Variants in IBTK observed in about 807,000 individuals in gnomAD.
IBTK encodes the protein inhibitor of Bruton tyrosine kinase.
Under a neutral mutation model 154.9 loss-of-function variants are expected in IBTK, and 83 were observed. That is an observed-to-expected ratio of 0.54 (90% CI 0.45 to 0.64). The LOEUF (loss-of-function observed/expected upper bound fraction) is 0.64, where lower values mean the gene tolerates loss of function less well. Ranked by LOEUF, IBTK falls within the 30% of genes least tolerant of loss-of-function variation. The pLI is 0.00. For missense variants in IBTK, 1,332 were observed against 1,584.6 expected, an observed-to-expected ratio of 0.84 and a Z score of 2.71; for synonymous variants, 515 against 536.1, an observed-to-expected ratio of 0.96 and a Z score of 0.54.
At chr6:82,240,938 C>A in intron 1 of IBTK, 95 bp from the exon 2 acceptor site, 2 of 398,344 alleles carry the variant, frequency 5.0e-6, no homozygotes, top group Non-Finnish European at 4.4e-6. Context: ...ATTTAGATGC[C>A]CTTAACCCAT....
intron 10 of IBTK, 86 bp downstream of exon 10, chr6:82,217,874 T>C (rs1356741351): frequency 2.3e-6 from 2 of 875,492 alleles, no homozygotes; most frequent in Non-Finnish European, 1.7e-6. Context: ...TAAAACCTAA[T>C]AACACTTGTC....
chr6:82,188,984 C>T lies in IBTK; in HGVS notation c.3575+2089G>A, dbSNP rs536860656. On this transcript the variant is annotated intron_variant, in intron 25 of 28. Transcript: ENST00000306270. Reference sequence around the variant, plus strand: ...GGCGGAGGTTGCAGTGAACCAAGATCGCACCACTGCACTCAAACCTGAACA... The same window carrying T: ...GGCGGAGGTTGCAGTGAACCAAGATTGCACCACTGCACTCAAACCTGAACA... 295 of 421,412 alleles carry T rather than the reference C, an allele frequency of 7.0e-4. 2 individuals carry two copies. The highest frequency in any genetic ancestry group is 1.2e-3 in the Non-Finnish European group (267 of 214,536). The allele number at this position is 421,412 out of a possible 1,614,324, so 26.1% of individuals were successfully genotyped here. A position where few individuals can be genotyped will look rare whatever the true frequency, so the allele number is the denominator to read the frequency against.
At chr6:82,177,976 C>A (rs6903061) in intron 26 of IBTK, among the ~76,000 whole-genome samples, 36,579 of 152,154 alleles carry the variant, frequency 0.24, 4,450 homozygotes, top group African/African-American at 0.28. Flanking sequence ...ATACCCAACA[C>A]AGGCCAGTAC....
chr6:82,180,095 C>T (rs1361001077), intron 26 of IBTK, among the ~76,000 whole-genome samples: 1 of 99,978 alleles, frequency 1.0e-5, no homozygotes, highest in African/African-American at 3.8e-5. Context: ...ACACAAAGCT[C>T]ATAATCAATA....
intron 26 of IBTK, among the ~76,000 whole-genome samples, chr6:82,174,532 G>A (rs1303401132): frequency 5.9e-5 from 9 of 152,060 alleles, no homozygotes. Flanking sequence ...AGTAAAGGCA[G>A]GCTGTTCTCT....
chr6:82,177,830 A>T (rs1453293891), intron 26 of IBTK, among the ~76,000 whole-genome samples: 1 of 152,164 alleles, frequency 6.6e-6, no homozygotes, highest in Non-Finnish European at 1.5e-5. Context: ...GATTACAGGC[A>T]TGAGCCACAG....
intron 10 of IBTK, among the ~76,000 whole-genome samples, chr6:82,217,623 T>C (rs1769919809): frequency 6.6e-6 from 1 of 152,220 alleles, no homozygotes; most frequent in Admixed American, 6.5e-5. Context: ...TGTGGCTTTA[T>C]GATTTTGAAG....
At chr6:82,236,650 T>C (rs1212015829) in intron 2 of IBTK, among the ~76,000 whole-genome samples, 1 of 152,202 alleles carries the variant, frequency 6.6e-6, no homozygotes, top group Non-Finnish European at 1.5e-5. Context: ...AAACTGACAA[T>C]TTACTGTGCA....
intron 26 of IBTK, among the ~76,000 whole-genome samples, chr6:82,175,705 A>G (rs1164120881): frequency 2.0e-5 from 3 of 152,222 alleles, no homozygotes; most frequent in African/African-American, 7.2e-5. Flanking sequence ...AAACAGCAAC[A>G]TAAAAAGGTT....
rs1562094720 is a variant in IBTK, at chr6:82,216,100, A to G, written c.1577T>C (p.Ile526Thr). The change falls in exon 11 of 29, where the codon ATC becomes ACC. Residue 526 changes from isoleucine to threonine, a missense_variant. Ile to Thr is a moderately conservative substitution (Grantham distance 89). Around this residue, in one of 3 missense-constraint regions of IBTK, gnomAD observed 1,134 missense variants for 1,274.7 expected, o/e 0.89. Coordinates refer to ENST00000306270, the MANE Select transcript of IBTK (RefSeq NM_015525.4). ...STDPSGCNFA[I>T]LQSDPKTSLY... ...CCTTGTTTTAGGATCTGACTGCAGG[A>G]TTGCAAAGTTGCATCCACTTGGATC... The G allele has an allele frequency of 6.2e-7, 1 of 1,609,856 alleles. No homozygotes were observed. Among genetic ancestry groups the G allele is most frequent in the Non-Finnish European group, 8.5e-7 (1 of 1,179,008 alleles).
At chr6:82,189,544 A>G (rs573451649) in intron 25 of IBTK, among the ~76,000 whole-genome samples, 2 of 152,200 alleles carry the variant, frequency 1.3e-5, no homozygotes, top group Non-Finnish European at 2.9e-5. Context: ...ATCAAGAAAT[A>G]GAAAACCACA....
intron 13 of IBTK, among the ~76,000 whole-genome samples, chr6:82,212,144 G>A (rs1440389642): frequency 6.6e-6 from 1 of 151,904 alleles, no homozygotes; most frequent in Non-Finnish European, 1.5e-5. Context: ...ACAGGCACCC[G>A]CCACTATGCC....
At chr6:82,179,403 A>G (rs982356786) in intron 26 of IBTK, among the ~76,000 whole-genome samples, 1 of 152,354 alleles carries the variant, frequency 6.6e-6, no homozygotes, top group African/African-American at 2.4e-5. Flanking sequence ...ACATCCAGAT[A>G]GAATGGTAGG....
chr6:82,208,469 C>T (rs1169850974), intron 16 of IBTK, among the ~76,000 whole-genome samples: 1 of 152,036 alleles, frequency 6.6e-6, no homozygotes, highest in East Asian at 1.9e-4. Context: ...ACAATTTGGA[C>T]ATCATGAAAT....
At position 82,223,589 on chromosome 6, in the gene IBTK, A is replaced by G; in HGVS notation, c.975T>C (p.Cys325=). The G allele has an allele frequency of 6.2e-7, 1 of 1,613,396 alleles. No homozygotes were observed. The highest frequency in any genetic ancestry group is 8.5e-7 in the Non-Finnish European group (1 of 1,179,818). The change falls in exon 8 of 29, where the codon TGT becomes TGC. Residue 325 remains cysteine (C), a synonymous_variant. Coordinates refer to ENST00000306270, the MANE Select transcript of IBTK (RefSeq NM_015525.4). The stretch of plus-strand genomic sequence containing the variant: ...CAGAGACCTGACGAGGAGCAGTTAC[A>G]CACTTTTCTCCATTGGGATCTAGCA... ...GCLLDPNGEK[C]VTAPRQVSAL...
chr6:82,184,491 T>G (rs1373750527), intron 25 of IBTK, among the ~76,000 whole-genome samples: 1 of 152,240 alleles, frequency 6.6e-6, no homozygotes, highest in Non-Finnish European at 1.5e-5. Context: ...GTTCTATTAT[T>G]TCTCCAAGTG....
intron 6 of IBTK, 55 bp downstream of exon 6, chr6:82,225,422 C>T: frequency 7.1e-7 from 1 of 1,405,616 alleles, no homozygotes; most frequent in Non-Finnish European, 9.8e-7. Context: ...TTTTTTTGTT[C>T]ATACAGGTTT....
At chr6:82,189,546 A>G (rs1768684835) in intron 25 of IBTK, among the ~76,000 whole-genome samples, 1 of 152,182 alleles carries the variant, frequency 6.6e-6, no homozygotes, top group Non-Finnish European at 1.5e-5. Context: ...CAAGAAATAG[A>G]AAACCACAGG....
intron 12 of IBTK, among the ~76,000 whole-genome samples, chr6:82,213,894 G>A (rs895974991): frequency 2.0e-5 from 3 of 152,030 alleles, no homozygotes; most frequent in African/African-American, 7.2e-5. Flanking sequence ...AGAAGGGGAT[G>A]GAACAAGTGG....
Sources: gnomAD v4.1 joint callset for allele counts (sites outside exome capture counted in the v4.1 genomes callset) on GRCh38, gnomAD v4.1.1 for gene constraint, gnomAD v4.1.1 regional missense constraint, MANE v1.5 for transcripts, NCBI Gene and HGNC (gene_info 2026-07-23, HGNC 2026-07-21) for gene names.